Variants in DIAPH1 observed in about 807,000 individuals in gnomAD.
The protein encoded by DIAPH1 is protein diaphanous homolog 1.
A neutral mutation model predicts 140.7 loss-of-function variants in DIAPH1; 46 were observed. The ratio of observed to expected loss-of-function variants is 0.33; its 90% CI spans 0.26 to 0.42. The LOEUF is 0.42. DIAPH1 is among the 10% of genes least tolerant of loss of function. The probability of loss-of-function intolerance (pLI) is 1.00; values close to 1 mark genes in which losing one functional copy is unlikely to be tolerated. For missense variants in DIAPH1, 1,310 were observed against 1,558.7 expected, an observed-to-expected ratio of 0.84 and a Z score of 2.69; for synonymous variants, 565 against 551.6, an observed-to-expected ratio of 1.02 and a Z score of -0.34.
At chr5:141,615,535 A>G (rs1307346679) in intron 1 of DIAPH1, among the ~76,000 whole-genome samples, 2 of 151,802 alleles carry the variant, frequency 1.3e-5, no homozygotes, top group Admixed American at 1.3e-4. Context: ...AGGTCAGGAG[A>G]TCGACAACAT....
intron 1 of DIAPH1, among the ~76,000 whole-genome samples, chr5:141,612,422 A>C (rs2099901985): frequency 6.6e-6 from 1 of 152,268 alleles, no homozygotes; most frequent in African/African-American, 2.4e-5. Flanking sequence ...CAATAGGGTA[A>C]ATGAATAAAC....
rs570579439 is a variant in DIAPH1, at chr5:141,591,514, G to A, written c.118-3264C>T. ...TCATTATATCAATGAAGAGACTGAA[G>A]CCCAGCCAGGTGAAGTAAATTACTG... On this transcript the variant is annotated intron_variant, in intron 1 of 27. Transcript: ENST00000389054. Among the ~76,000 whole-genome samples, 5 of 150,954 alleles carry A rather than the reference G, an allele frequency of 3.3e-5. No homozygotes were observed. The South Asian group carries it at 6.3e-4, about 19-fold the overall frequency.
intron 18 of DIAPH1, among the ~76,000 whole-genome samples, chr5:141,542,435 G>GAA (rs944943596): frequency 3.0e-4 from 36 of 119,908 alleles, no homozygotes; most frequent in Non-Finnish European, 4.5e-4. Flanking sequence ...TCTGTCTTGG[G>GAA]AAAAAAAAAA....
At chr5:141,589,482 C>G (rs1357451062) in intron 1 of DIAPH1, among the ~76,000 whole-genome samples, 4 of 152,048 alleles carry the variant, frequency 2.6e-5, no homozygotes, top group Admixed American at 2.0e-4. Flanking sequence ...AGCAATTTCA[C>G]AAAGAAAGTG....
In DIAPH1 at chr5:141,588,473, G is replaced by GA. The variant is rs368869644; in HGVS notation, c.118-224dup. ...TCACTAACATATGACTCTTAAAAAG[G>GA]AAAAAAAAAAAAAAAAAGAAGATGA... On this transcript the variant is annotated intron_variant, in intron 1 of 27. Coordinates refer to ENST00000389054, the MANE Select transcript of DIAPH1 (RefSeq NM_005219.5). Among the ~76,000 whole-genome samples, 2,975 of 86,610 alleles carry GA rather than the reference G, an allele frequency of 0.034. 111 individuals carry two copies. The highest frequency in any genetic ancestry group is 0.11 in the African/African-American group (2,597 of 23,696). 56.8% of individuals were successfully genotyped at this position (86,610 alleles called of 152,430 possible). A position where few individuals can be genotyped will look rare whatever the true frequency, so the allele number is the denominator to read the frequency against.
intron 1 of DIAPH1, among the ~76,000 whole-genome samples, chr5:141,609,535 T>TA (rs1314333080): frequency 6.6e-6 from 1 of 152,182 alleles, no homozygotes; most frequent in Non-Finnish European, 1.5e-5. Context: ...TCATTACCTA[T>TA]AAAATGGGAA....
Position 141,571,916 on chromosome 5 carries a change from A to G in DIAPH1, c.2473+10T>C, listed in dbSNP as rs989492186. The G allele has an allele frequency of 6.3e-6, 10 of 1,585,432 alleles. No individual in the cohort carries two copies. The highest frequency in any genetic ancestry group is 8.7e-6 in the Non-Finnish European group (10 of 1,153,910). Reference sequence around the variant, plus strand: ...CACTGGACCTTTGCATCAAAGAGGAAGGTACTCACTCTTGGTCTGGGCAGA... The same window carrying G: ...CACTGGACCTTTGCATCAAAGAGGAGGGTACTCACTCTTGGTCTGGGCAGA... On this transcript the variant is annotated intron_variant, in intron 17 of 27. Transcript: ENST00000389054.
Position 141,618,993 on chromosome 5 carries a change from G to C in DIAPH1, c.-79C>G. On this transcript the variant is annotated 5_prime_UTR_variant, in exon 1 of 28. Coordinates refer to ENST00000389054, the MANE Select transcript of DIAPH1 (RefSeq NM_005219.5). ...GCTCCGCGCCCGCCGCCGCCCAGTCGCTCTTTAGCCAGCCGCCGCGCCCCG... is the reference window on the plus strand; with the variant it reads ...GCTCCGCGCCCGCCGCCGCCCAGTCCCTCTTTAGCCAGCCGCCGCGCCCCG... 2.6e-6 allele frequency: 2 copies of C among 763,710 alleles called. No homozygotes were observed. Among genetic ancestry groups the C allele is most frequent in the Non-Finnish European group, 3.8e-6 (2 of 530,190 alleles). 47.3% of individuals were successfully genotyped at this position (763,710 alleles called of 1,614,324 possible). A position where few individuals can be genotyped will look rare whatever the true frequency, so the allele number is the denominator to read the frequency against.
At chr5:141,542,501 G>A (rs970144490) in intron 18 of DIAPH1, among the ~76,000 whole-genome samples, 2 of 151,946 alleles carry the variant, frequency 1.3e-5, no homozygotes, top group African/African-American at 4.8e-5. Flanking sequence ...CATATGCAAT[G>A]GAATATTATT....
intron 18 of DIAPH1, among the ~76,000 whole-genome samples, chr5:141,562,424 G>A (rs1006291445): frequency 6.6e-6 from 1 of 151,948 alleles, no homozygotes; most frequent in Non-Finnish European, 1.5e-5. Context: ...TAAGAGGAAG[G>A]ACAAGAATCT....
intron 1 of DIAPH1, among the ~76,000 whole-genome samples, chr5:141,614,250 A>G (rs1413309928): frequency 1.3e-5 from 2 of 152,208 alleles, no homozygotes; most frequent in Non-Finnish European, 1.5e-5. Context: ...TTGCTTCTCT[A>G]TAACATCTAG....
chr5:141,535,987 G>C, intron 18 of DIAPH1: 1 of 468,938 alleles, frequency 2.1e-6, no homozygotes, highest in Non-Finnish European at 4.4e-6. Flanking sequence ...CATACAAAAG[G>C]TACAAAGAAC....
At chr5:141,546,104 C>T (rs1016463583) in intron 18 of DIAPH1, among the ~76,000 whole-genome samples, 3 of 152,054 alleles carry the variant, frequency 2.0e-5, no homozygotes, top group Admixed American at 1.3e-4. Flanking sequence ...ACTCTGGGGC[C>T]GGGCACAGTG....
chr5:141,615,866 T>C (rs989979212), intron 1 of DIAPH1, among the ~76,000 whole-genome samples: 1 of 152,224 alleles, frequency 6.6e-6, no homozygotes, highest in African/African-American at 2.4e-5. Context: ...AATGTAAGAA[T>C]ACTCTGCAGC....
At chr5:141,531,667 T>C (rs1014329465) in intron 19 of DIAPH1, among the ~76,000 whole-genome samples, 2 of 152,020 alleles carry the variant, frequency 1.3e-5, no homozygotes, top group African/African-American at 2.4e-5. Flanking sequence ...TTTCTATTTT[T>C]AGTAGAGACA....
chr5:141,537,483 CAAAAAAAAA>C (rs34323841), intron 18 of DIAPH1, among the ~76,000 whole-genome samples: 11 of 36,970 alleles, frequency 3.0e-4, no homozygotes, highest in South Asian at 1.7e-3. Context: ...AACTCCGTCT[CAAAAAAAAA>C]AAAAAAAAAA....
intron 18 of DIAPH1, among the ~76,000 whole-genome samples, chr5:141,569,611 A>C (rs758232031): frequency 1.3e-5 from 2 of 151,922 alleles, no homozygotes; most frequent in Non-Finnish European, 2.9e-5. Flanking sequence ...AAAATACAAA[A>C]ATTAGCTGGA....
chr5:141,534,001 A>G (rs1306745383), intron 19 of DIAPH1, among the ~76,000 whole-genome samples: 2 of 143,610 alleles, frequency 1.4e-5, no homozygotes, highest in African/African-American at 2.6e-5. Context: ...ATTACACCCC[A>G]GCATGGGCAA....
At chr5:141,575,253 G>T in intron 14 of DIAPH1, 107 bp from the exon 15 acceptor site, 1 of 1,140,146 alleles carries the variant, frequency 8.8e-7, no homozygotes, top group Non-Finnish European at 1.3e-6. Flanking sequence ...TGGGGGTGCT[G>T]GAATCCCCCC....
Sources: allele counts gnomAD v4.1 joint callset (sites outside exome capture counted in the v4.1 genomes callset), GRCh38; gene constraint gnomAD v4.1.1; transcripts MANE v1.5; gene names NCBI Gene and HGNC (gene_info 2026-07-23, HGNC 2026-07-21).